Variants in KCNH4 observed in about 807,000 individuals in gnomAD.
KCNH4 encodes potassium voltage-gated channel subfamily H member 4.
Under a neutral mutation model 90.7 loss-of-function variants are expected in KCNH4, and 33 were observed. That is an observed-to-expected ratio of 0.36 (90% CI 0.28 to 0.49). The LOEUF is 0.49. KCNH4 is among the 20% of genes least tolerant of loss of function. The pLI, the probability that KCNH4 is intolerant of heterozygous loss-of-function variation, is 0.98. For synonymous variants in KCNH4, 551 were observed against 581.7 expected, an observed-to-expected ratio of 0.95 and a Z score of 0.76; for missense variants, 1,044 against 1,387.1, an observed-to-expected ratio of 0.75 and a Z score of 3.93.
Position 42,166,333 on chromosome 17 carries a change from C to A in KCNH4, c.1804G>T (p.Glu602Ter). The A allele has an allele frequency of 6.2e-7, 1 of 1,611,216 alleles. No individual in the cohort carries two copies. Among genetic ancestry groups the A allele is most frequent in the South Asian group, 1.1e-5 (1 of 90,552 alleles). Residue 602 changes from glutamate (E) to a stop codon, truncating the protein, a stop_gained, in exon 10 of 17, where the codon GAG (glutamate) becomes TAG (stop). Coordinates refer to ENST00000264661, the MANE Select transcript of KCNH4 (RefSeq NM_012285.3). LOFTEE classifies it high-confidence loss of function. ...AGCACCATGTTGTCTCGGAGCACCTCAAGCGAGCCGGAGCAGACATAGTAA... is the reference window on the plus strand; with the variant it reads ...AGCACCATGTTGTCTCGGAGCACCTAAAGCGAGCCGGAGCAGACATAGTAA... ...AHYYVCSGSL[E>*]VLRDNMVLAI...
chr17:42,166,359 T>C lies in KCNH4; in HGVS notation c.1778A>G (p.His593Arg). The part of the protein sequence containing the change: ...LLRRGDALQA[H>R]YYVCSGSLEV... ...AAGCGAGCCGGAGCAGACATAGTAA[T>C]GTGCCTGCAGGGCATCCCCACGGCG... The change falls in exon 10 of 17, where the codon CAT becomes CGT. Residue 593 changes from histidine (H) to arginine (R), a missense_variant. Transcript: ENST00000264661. 1 of 1,613,536 alleles carries C rather than the reference T, an allele frequency of 6.2e-7. No homozygotes were observed. The highest frequency in any genetic ancestry group is 1.1e-5 in the South Asian group (1 of 90,992).
In KCNH4 at chr17:42,163,279, A is replaced by G; in HGVS notation, c.2533T>C (p.Phe845Leu). The change falls in exon 14 of 17, where the codon TTC becomes CTC. Residue 845 changes from phenylalanine to leucine, a missense_variant. This residue lies in a region of KCNH4 where 441 missense variants were observed against 512.3 expected (regional missense o/e 0.86). Transcript: ENST00000264661. This position sits in a 1 kb window ranked among gnomAD's most constrained non-coding sequence, Gnocchi z 5.4. ...CTTGGCAGTTCAGGCCTCCTGCTGA[A>G]TCGGAATGAAGGGGCCTCAGCTGTG... The part of the protein sequence containing the change: ...GSTAEAPSFR[F>L]SRRPELPRPR... 1 of 1,614,100 alleles carries G rather than the reference A, an allele frequency of 6.2e-7. No homozygotes were observed. The highest frequency in any genetic ancestry group is 8.5e-7 in the Non-Finnish European group (1 of 1,180,024).
At position 42,163,883 on chromosome 17, in the gene KCNH4, G is replaced by T. The variant is rs1370595283; in HGVS notation, c.2200C>A (p.Pro734Thr). ...CGTCGGGGCCTGGGACCACCCCCAG[G>T]CTCCGCGCCACTCTCGGCCTCTGTG... ...SITEAESGAE[P>T]GGGPRPRRPL... The change falls in exon 13 of 17, where the codon CCT becomes ACT. Residue 734 changes from proline to threonine, a missense_variant. By Grantham distance (38) the Pro-to-Thr change is conservative (BLOSUM62 -1). Transcript: ENST00000264661. This position sits in a 1 kb window ranked among gnomAD's most constrained non-coding sequence, Gnocchi z 5.4. 2.6e-6 allele frequency: 4 copies of T among 1,538,518 alleles called. No homozygotes were observed. Among genetic ancestry groups the T allele is most frequent in the African/African-American group, 1.4e-5 (1 of 72,842 alleles).
rs780307377 is a variant in KCNH4 at position 42,178,921 on chromosome 17, A to G, written c.182T>C (p.Met61Thr). The G allele has an allele frequency of 6.5e-5, 105 of 1,614,102 alleles. No individual in the cohort carries two copies. The highest frequency in any genetic ancestry group is 2.7e-4 in the Admixed American group (16 of 60,014). ...ELTGYGRTEV[M>T]QKTCSCRFLY... ...GAAACGGCAGCTGCAGGTCTTCTGC[A>G]TGACCTCGGTGCGACCGTAGCCTGT... The change falls in exon 2 of 17, where the codon ATG (methionine) becomes ACG (threonine). Residue 61 changes from methionine (M) to threonine (T), a missense_variant. Met to Thr is a moderately conservative substitution (Grantham distance 81, BLOSUM62 -1). Coordinates refer to ENST00000264661, the MANE Select transcript of KCNH4 (RefSeq NM_012285.3).
chr17:42,164,621 G>A (rs1178454449), intron 11 of KCNH4, among the ~76,000 whole-genome samples: 1 of 151,872 alleles, frequency 6.6e-6, no homozygotes, highest in Non-Finnish European at 1.5e-5. Flanking sequence ...TGGCCAACAT[G>A]GCGAAACCCC....
chr17:42,171,575 C>G (rs1420611849), intron 7 of KCNH4, among the ~76,000 whole-genome samples: 4 of 152,130 alleles, frequency 2.6e-5, no homozygotes, highest in African/African-American at 7.2e-5. Flanking sequence ...CTTGCTCCCC[C>G]ACTAGGCTGT....
At chr17:42,161,101 C>T (rs904981773) in intron 15 of KCNH4, among the ~76,000 whole-genome samples, 1 of 151,442 alleles carries the variant, frequency 6.6e-6, no homozygotes, top group African/African-American at 2.4e-5. Context: ...TAATTTTTTT[C>T]GTATTCTTAG....
intron 9 of KCNH4, among the ~76,000 whole-genome samples, chr17:42,166,892 C>T (rs1351417580): frequency 1.3e-5 from 2 of 152,202 alleles, no homozygotes; most frequent in Admixed American, 6.5e-5. Flanking sequence ...CCCTGTGGAC[C>T]TTGGGCAACC....
Position 42,165,657 on chromosome 17 carries a change from G to C in KCNH4, c.1877C>G (p.Pro626Arg). Reference protein sequence around the residue: ...GDLIGADIPEPGQEPGLGADP... With the variant: ...GDLIGADIPERGQEPGLGADP... ...TGCTCCCAACCCAGGCTCCTGCCCC[G>C]GCTCAGGGATATCTGCTCCAATCAG... Residue 626 changes from proline (P) to arginine (R), a missense_variant, in exon 11 of 17, where the codon CCG (proline) becomes CGG (arginine). Coordinates refer to ENST00000264661, the MANE Select transcript of KCNH4 (RefSeq NM_012285.3). 6.2e-7 allele frequency: 1 copy of C among 1,614,176 alleles called. No homozygotes were observed. The highest frequency in any genetic ancestry group is 8.5e-7 in the Non-Finnish European group (1 of 1,180,034).
chr17:42,166,516 C>T lies in KCNH4; in HGVS notation c.1621G>A (p.Ala541Thr). The T allele has an allele frequency of 4.3e-6, 7 of 1,613,282 alleles. No individual in the cohort carries two copies. Among genetic ancestry groups the T allele is most frequent in the Non-Finnish European group, 5.9e-6 (7 of 1,179,252 alleles). Residue 541 changes from alanine (A) to threonine (T), a missense_variant, in exon 10 of 17, where the codon GCT becomes ACT. By Grantham distance (58) the Ala-to-Thr change is moderately conservative (BLOSUM62 0). Coordinates refer to ENST00000264661, the MANE Select transcript of KCNH4 (RefSeq NM_012285.3). ...CGATTCAGGTGCATAGCAATGTCAG[C>T]TCTCAGCTCGTCTGGGAAGTCACGC... Reference protein sequence around the residue: ...LLRDFPDELRADIAMHLNREI... With the variant: ...LLRDFPDELRTDIAMHLNREI...
intron 7 of KCNH4, among the ~76,000 whole-genome samples, chr17:42,171,129 C>A (rs2079824208): frequency 1.3e-5 from 2 of 151,914 alleles, no homozygotes; most frequent in Admixed American, 1.3e-4. Context: ...TCCTGGAACA[C>A]CCATTTGGCT....
chr17:42,159,027 CCTGT>C (rs2079727458), intron 16 of KCNH4, among the ~76,000 whole-genome samples: 1 of 150,252 alleles, frequency 6.7e-6, no homozygotes, highest in African/African-American at 2.5e-5. Flanking sequence ...TCCTATATAA[CCTGT>C]CTCTTTTTTT....
Position 42,178,234 on chromosome 17 carries a change from G to A in KCNH4, c.458-7C>T, listed in dbSNP as rs777215049. The A allele has an allele frequency of 6.2e-7, 1 of 1,614,220 alleles. No homozygotes were observed. Among genetic ancestry groups the A allele is most frequent in the Non-Finnish European group, 8.5e-7 (1 of 1,180,040 alleles). On this transcript the variant is annotated splice_polypyrimidine_tract_variant and splice_region_variant and intron_variant, in intron 3 of 16. Coordinates refer to ENST00000264661, the MANE Select transcript of KCNH4 (RefSeq NM_012285.3). ...CTTCTACCAAGGGAGTTTTCTGTTG[G>A]GAAGAAAGGTGCAGAGATACGTTGG... is the stretch of plus-strand genomic sequence containing the variant.
chr17:42,181,045 C>G lies in KCNH4; in HGVS notation c.-100G>C, dbSNP rs769558321. 211 of 956,618 alleles carry G rather than the reference C, an allele frequency of 2.2e-4. No individual in the cohort carries two copies. Among genetic ancestry groups the G allele is most frequent in the Non-Finnish European group, 3.1e-4 (196 of 638,364 alleles). The allele number at this position is 956,618 out of a possible 1,614,324, so 59.3% of individuals were successfully genotyped here. On this transcript the variant is annotated 5_prime_UTR_variant, in exon 1 of 17. Coordinates refer to ENST00000264661, the MANE Select transcript of KCNH4 (RefSeq NM_012285.3). The stretch of plus-strand genomic sequence containing the variant: ...GGAGGGGCCGGGGCGCCCCATGCGC[C>G]CTCCTGCCTCCTCCCCTCCCTCTTA...
intron 9 of KCNH4, among the ~76,000 whole-genome samples, chr17:42,168,616 C>T (rs750976939): frequency 6.6e-6 from 1 of 151,728 alleles, no homozygotes; most frequent in Non-Finnish European, 1.5e-5. Flanking sequence ...TGCACTCCAG[C>T]GTGGGCGACA....
chr17:42,169,783 C>A (rs968970129), intron 8 of KCNH4, 107 bp from the exon 9 acceptor site: 69 of 1,154,152 alleles, frequency 6.0e-5, no homozygotes, highest in Non-Finnish European at 8.5e-5. Flanking sequence ...CTCCTGTGTG[C>A]CTACCAGGTG....
chr17:42,166,206 A>G, intron 10 of KCNH4, 91 bp downstream of exon 10: 1 of 1,460,846 alleles, frequency 6.8e-7, no homozygotes, highest in East Asian at 2.5e-5. Flanking sequence ...GGGGTATCCC[A>G]TTCCCTAGAA....
intron 16 of KCNH4, among the ~76,000 whole-genome samples, chr17:42,158,841 AATATAT>A (rs1015365156): frequency 1.3e-5 from 2 of 148,786 alleles, no homozygotes; most frequent in Non-Finnish European, 3.0e-5. Flanking sequence ...TCTATAAAAA[AATATAT>A]ATATATATAT....
rs371473374 is a variant in KCNH4 at position 42,178,841 on chromosome 17, C to T, written c.262G>A (p.Glu88Lys). 1.9e-6 allele frequency: 3 copies of T among 1,614,014 alleles called. No homozygotes were observed. Among genetic ancestry groups the T allele is most frequent in the Admixed American group, 1.7e-5 (1 of 60,004 alleles). Residue 88 changes from glutamate to lysine, a missense_variant, in exon 2 of 17, where the codon GAG (glutamate) becomes AAG (lysine). Around this residue, in one of 4 missense-constraint regions of KCNH4, gnomAD observed 283 missense variants for 378.6 expected, o/e 0.75. Coordinates refer to ENST00000264661, the MANE Select transcript of KCNH4 (RefSeq NM_012285.3). Reference protein sequence around the residue: ...PALQRLHKALEGHQEHRAEIC... With the variant: ...PALQRLHKALKGHQEHRAEIC... ...TCAGCCCGGTGCTCCTGGTGGCCCTCCAGGGCTTTGTGCAGACGCTGCAGG... is the reference window on the plus strand; with the variant it reads ...TCAGCCCGGTGCTCCTGGTGGCCCTTCAGGGCTTTGTGCAGACGCTGCAGG...
Sources: gnomAD v4.1 joint callset for allele counts (sites outside exome capture counted in the v4.1 genomes callset) on GRCh38, gnomAD v4.1.1 for gene constraint, gnomAD v4.1.1 regional missense constraint, Gnocchi (gnomAD v3.1) non-coding constraint, MANE v1.5 for transcripts, NCBI Gene and HGNC (gene_info 2026-07-23, HGNC 2026-07-21) for gene names.